The following CBLN2 variants were observed in gnomAD, a reference collection of about 807,000 sequenced individuals.
CBLN2 encodes the protein cerebellin-2.
A neutral mutation model predicts 15.0 loss-of-function variants in CBLN2; 7 were observed. The ratio of observed to expected loss-of-function variants is 0.47; its 90% CI spans 0.27 to 0.88. The LOEUF (loss-of-function observed/expected upper bound fraction) is 0.88, where lower values mean the gene tolerates loss of function less well. CBLN2 is among the 40% of genes least tolerant of loss of function. The pLI is 0.14. For missense variants in CBLN2, 242 were observed against 304.5 expected (o/e 0.79, Z 1.53); for synonymous variants, 149 against 135.2 (o/e 1.10, Z -0.71).
intron 3 of CBLN2, chr18:72,539,603 C>T (rs980663887): frequency 6.6e-6 from 1 of 152,134 alleles, no homozygotes; most frequent in African/African-American, 2.4e-5. Flanking sequence ...AAATTAGCCA[C>T]CTGGAATGTG....
At chr18:72,630,564 CAGAGAGAGAGAGAG>C (rs368831135) in intron 1 of CBLN2, among the ~76,000 whole-genome samples, 1 of 135,522 alleles carries the variant, frequency 7.4e-6, no homozygotes, top group Non-Finnish European at 1.5e-5. Context: ...CACACACATG[CAGAGAGAGAGAGAG>C]AGAGAGAGAG....
chr18:72,567,192 A>G (rs979035640), intron 1 of CBLN2, among the ~76,000 whole-genome samples: 4 of 152,366 alleles, frequency 2.6e-5, no homozygotes, highest in South Asian at 2.1e-4. Context: ...CAGTGTGTGC[A>G]TGCATTGAAA....
chr18:72,616,680 G>A (rs2069664782), intron 1 of CBLN2, among the ~76,000 whole-genome samples: 1 of 152,012 alleles, frequency 6.6e-6, no homozygotes, highest in Non-Finnish European at 1.5e-5. Context: ...TTTTCTCTGT[G>A]GTGTAAAAAA....
In CBLN2 at chr18:72,601,509, C is replaced by T. The variant is rs997444104; in HGVS notation, c.15+36816G>A. Among the ~76,000 whole-genome samples, 4 of 152,248 alleles carry T rather than the reference C, an allele frequency of 2.6e-5. No homozygotes were observed. In the East Asian group the frequency reaches 5.8e-4, roughly 22 times the overall value. ...CGTCTCCATGCAGAGGAGAAGGTTT[C>T]CCACGTAAATAAAGGAGTGGAGGCG... On this transcript the variant is annotated intron_variant, in intron 1 of 2. Transcript: ENST00000581073.
At chr18:72,611,369 A>G (rs988478552) in intron 1 of CBLN2, among the ~76,000 whole-genome samples, 17 of 152,200 alleles carry the variant, frequency 1.1e-4, no homozygotes, top group African/African-American at 3.9e-4. Context: ...AGTAGTGTAT[A>G]AGCATTCTCT....
intron 1 of CBLN2, among the ~76,000 whole-genome samples, chr18:72,554,517 C>T (rs1400822531): frequency 3.3e-5 from 5 of 151,926 alleles, no homozygotes; most frequent in South Asian, 2.1e-4. Context: ...ATTAGCCTAA[C>T]GTAATCATTC....
At chr18:72,561,164 A>T (rs947360104) in intron 1 of CBLN2, among the ~76,000 whole-genome samples, 4 of 151,612 alleles carry the variant, frequency 2.6e-5, no homozygotes, top group Non-Finnish European at 5.9e-5. Context: ...ACACACACAC[A>T]TTAGCATTTA....
chr18:72,562,214 G>A (rs759517334), intron 1 of CBLN2, among the ~76,000 whole-genome samples: 21 of 152,266 alleles, frequency 1.4e-4, no homozygotes, highest in Middle Eastern at 3.4e-3. Context: ...GGTGTGAGGA[G>A]CATGAGTAGC....
At chr18:72,590,527 A>G (rs1010307617) in intron 1 of CBLN2, among the ~76,000 whole-genome samples, 2 of 152,236 alleles carry the variant, frequency 1.3e-5, no homozygotes, top group African/African-American at 2.4e-5. Context: ...TATTTGTTTT[A>G]GAATTTATTG....
At chr18:72,591,290 A>T (rs1204765592) in intron 1 of CBLN2, among the ~76,000 whole-genome samples, 1 of 152,216 alleles carries the variant, frequency 6.6e-6, no homozygotes. Flanking sequence ...ATAAAGGGTA[A>T]AAAGGAAATT....
intron 1 of CBLN2, among the ~76,000 whole-genome samples, chr18:72,630,044 T>C (rs576064912): frequency 2.6e-5 from 4 of 152,290 alleles, no homozygotes; most frequent in African/African-American, 9.6e-5. Context: ...CATTGTATAA[T>C]CTTAGATATA....
At chr18:72,583,224 T>C (rs2069418287) in intron 1 of CBLN2, among the ~76,000 whole-genome samples, 1 of 152,194 alleles carries the variant, frequency 6.6e-6, no homozygotes, top group Admixed American at 6.5e-5. Flanking sequence ...CAATCCTTTT[T>C]GTAAGCCCCA....
At chr18:72,563,516 G>T (rs1410593787) in intron 1 of CBLN2, among the ~76,000 whole-genome samples, 2 of 152,060 alleles carry the variant, frequency 1.3e-5, no homozygotes, top group African/African-American at 4.8e-5. Context: ...ATCTGTACGA[G>T]AGCACTGGCG....
At chr18:72,547,705 G>T (rs368943919), upstream of CBLN2, among the ~76,000 whole-genome samples, 16 of 152,032 alleles carry the variant, frequency 1.1e-4, no homozygotes, top group African/African-American at 3.6e-4. Flanking sequence ...GAAAATGCAT[G>T]ATTTAAGGAA....
chr18:72,551,740 T>C (rs970084398), intron 1 of CBLN2, among the ~76,000 whole-genome samples: 2 of 152,224 alleles, frequency 1.3e-5, no homozygotes, highest in African/African-American at 2.4e-5. Context: ...TGAAATTATA[T>C]GAACACCATT....
chr18:72,612,946 G>T (rs1049792990), intron 1 of CBLN2, among the ~76,000 whole-genome samples: 1 of 152,178 alleles, frequency 6.6e-6, no homozygotes, highest in Non-Finnish European at 1.5e-5. Context: ...AGTAGGGTTG[G>T]TTCTTCCCAA....
chr18:72,592,566 C>T (rs1426262905), intron 1 of CBLN2, among the ~76,000 whole-genome samples: 2 of 152,006 alleles, frequency 1.3e-5, no homozygotes, highest in African/African-American at 4.8e-5. Context: ...AAATCTTTGC[C>T]CACTCCAATG....
intron 1 of CBLN2, among the ~76,000 whole-genome samples, chr18:72,635,463 G>A (rs2069806274): frequency 6.6e-6 from 1 of 152,100 alleles, no homozygotes; most frequent in South Asian, 2.1e-4. Context: ...AAGTAAAGTT[G>A]TAAATCTACG....
intron 1 of CBLN2, among the ~76,000 whole-genome samples, chr18:72,634,478 A>G (rs1002232819): frequency 6.6e-5 from 10 of 152,242 alleles, no homozygotes; most frequent in African/African-American, 1.9e-4. Flanking sequence ...AATAATTATT[A>G]AAATTATAAT....
Sources: allele counts gnomAD v4.1 joint callset (sites outside exome capture counted in the v4.1 genomes callset), GRCh38; gene constraint gnomAD v4.1.1; transcripts MANE v1.5; gene names NCBI Gene and HGNC (gene_info 2026-07-23, HGNC 2026-07-21).